Variants in FRMD5 observed in about 807,000 individuals in gnomAD.
FRMD5 encodes FERM domain containing 5, also known as FERM domain-containing protein 5.
Under a neutral mutation model 69.0 loss-of-function variants are expected in FRMD5, and 20 were observed. The observed-to-expected ratio is 0.29, with a 90% CI of 0.20 to 0.42. The LOEUF (loss-of-function observed/expected upper bound fraction) is 0.42. FRMD5 is among the 10% of genes least tolerant of loss of function. The pLI, the probability that FRMD5 is intolerant of heterozygous loss-of-function variation, is 1.00. For synonymous variants in FRMD5, 271 were observed against 260.1 expected (o/e 1.04, Z -0.40); for missense variants, 595 against 708.6 (o/e 0.84, Z 1.82).
chr15:43,886,930 C>A (rs539946142), intron 10 of FRMD5, among the ~76,000 whole-genome samples: 3 of 152,242 alleles, frequency 2.0e-5, no homozygotes, highest in African/African-American at 7.2e-5. Context: ...GAAAAATGAC[C>A]TCCATTTCCA....
At chr15:43,880,365 C>T (rs2088490029) in intron 13 of FRMD5, among the ~76,000 whole-genome samples, 1 of 152,102 alleles carries the variant, frequency 6.6e-6, no homozygotes. Context: ...CCCTCGCAGC[C>T]CCTCCCTCCC....
At chr15:44,196,139 A>G (rs1276110632), upstream of FRMD5, among the ~76,000 whole-genome samples, 2 of 152,154 alleles carry the variant, frequency 1.3e-5, no homozygotes, top group Non-Finnish European at 2.9e-5. Context: ...TTCTCCCTCA[A>G]AGATTTTTGA....
At chr15:43,945,079 G>A (rs946741344) in intron 1 of FRMD5, among the ~76,000 whole-genome samples, 10 of 151,628 alleles carry the variant, frequency 6.6e-5, no homozygotes, top group African/African-American at 1.5e-4. Flanking sequence ...GTGCCATAGC[G>A]CCCGGCAGGT....
At chr15:43,880,507 T>C (rs1294556343) in intron 13 of FRMD5, among the ~76,000 whole-genome samples, 1 of 152,214 alleles carries the variant, frequency 6.6e-6, no homozygotes, top group Admixed American at 6.5e-5. Flanking sequence ...TTCCACAGGC[T>C]TGGTAGCCCC....
intron 1 of FRMD5, among the ~76,000 whole-genome samples, chr15:44,072,671 T>C (rs536755523): frequency 6.6e-6 from 1 of 152,190 alleles, no homozygotes; most frequent in Non-Finnish European, 1.5e-5. Flanking sequence ...CTAATATTCA[T>C]ATGAAGACTG....
At chr15:44,120,051 G>A (rs1257393255) in intron 1 of FRMD5, among the ~76,000 whole-genome samples, 1 of 152,164 alleles carries the variant, frequency 6.6e-6, no homozygotes, top group Non-Finnish European at 1.5e-5. Context: ...TATGACTGGA[G>A]CATAGAACAC....
In FRMD5 at chr15:43,874,277, C is replaced by G. The variant is rs772259917; in HGVS notation, c.1321G>C (p.Glu441Gln). 1.2e-6 allele frequency: 2 copies of G among 1,614,230 alleles called. No individual in the cohort carries two copies. Among genetic ancestry groups the G allele is most frequent in the South Asian group, 2.2e-5 (2 of 91,086 alleles). The change falls in exon 14 of 14, where the codon GAG (glutamate) becomes CAG (glutamine). Residue 441 changes from glutamate to glutamine, a missense_variant. Glu to Gln is a conservative substitution (Grantham distance 29). Transcript: ENST00000417257. ...LPTPVAEHSL[E>Q]LMLLSRQING... ...ATCTGCCGGGAAAGCAACATCAGCTCCAGGCTGTGCTCAGCCACAGGGGTG... is the reference window on the plus strand; with the variant it reads ...ATCTGCCGGGAAAGCAACATCAGCTGCAGGCTGTGCTCAGCCACAGGGGTG...
intron 7 of FRMD5, among the ~76,000 whole-genome samples, chr15:43,898,326 G>A (rs1444611660): frequency 1.3e-5 from 2 of 152,162 alleles, no homozygotes; most frequent in Non-Finnish European, 2.9e-5. Flanking sequence ...TGGTTCCTTA[G>A]AGGGGACTTA....
rs565442359 is a variant in FRMD5 at position 43,949,530 on chromosome 15, G to A, written c.103-25221C>T. Among the ~76,000 whole-genome samples, 18 of 152,310 alleles carry A rather than the reference G, an allele frequency of 1.2e-4. No individual in the cohort carries two copies. In the East Asian group the frequency reaches 3.3e-3, roughly 28 times the overall value. ...CAAAAAAACACTGAATTAAACAAAT[G>A]GTCCTAGAAGCCAGTCTCTGAAAGT... On this transcript the variant is annotated intron_variant, in intron 1 of 13. Transcript: ENST00000417257.
At chr15:43,882,266 C>A (rs930159470) in intron 13 of FRMD5, among the ~76,000 whole-genome samples, 1 of 152,274 alleles carries the variant, frequency 6.6e-6, no homozygotes, top group Admixed American at 6.5e-5. Context: ...CTTCCCACCT[C>A]GGCCTGCTCC....
chr15:43,928,766 G>A (rs1443778193), intron 1 of FRMD5, among the ~76,000 whole-genome samples: 2 of 152,194 alleles, frequency 1.3e-5, no homozygotes, highest in East Asian at 3.8e-4. Flanking sequence ...TAAACTGTGC[G>A]TTGAATGTTG....
Position 43,871,222 on chromosome 15 carries a change from T to A in FRMD5, c.*2663A>T, listed in dbSNP as rs1444729179. 1.3e-5 allele frequency: 2 copies of A among 152,250 alleles called. No individual in the cohort carries two copies. The highest frequency in any genetic ancestry group is 4.8e-5 in the African/African-American group (2 of 41,468). The allele number at this position is 152,250 out of a possible 1,614,324, so 9.4% of individuals were successfully genotyped here. On this transcript the variant is annotated 3_prime_UTR_variant, in exon 14 of 14. Coordinates refer to ENST00000417257, the MANE Select transcript of FRMD5 (RefSeq NM_032892.5). ...TTGAAAAGCAAACTGAAGGAAACTT[T>A]TCTATCCATATTTTCTGGGATGAGC...
intron 1 of FRMD5, among the ~76,000 whole-genome samples, chr15:44,080,058 T>C (rs1055182938): frequency 6.6e-6 from 1 of 152,112 alleles, no homozygotes; most frequent in Admixed American, 6.6e-5. Context: ...TGAATGTTGT[T>C]AATGCCACTG....
chr15:43,979,771 CT>C (rs1210630821), intron 1 of FRMD5, among the ~76,000 whole-genome samples: 1 of 152,138 alleles, frequency 6.6e-6, no homozygotes, highest in Non-Finnish European at 1.5e-5. Context: ...TTGTGCTTTA[CT>C]TTTACCCACT....
chr15:43,894,085 A>G (rs949658225), intron 7 of FRMD5, among the ~76,000 whole-genome samples: 1 of 152,234 alleles, frequency 6.6e-6, no homozygotes, highest in Non-Finnish European at 1.5e-5. Context: ...ATGAAGCCAC[A>G]GGGCTGATTT....
At chr15:43,915,705 TATC>T (rs1433728850) in intron 4 of FRMD5, among the ~76,000 whole-genome samples, 19 of 152,344 alleles carry the variant, frequency 1.2e-4, no homozygotes, top group African/African-American at 4.3e-4. Flanking sequence ...CAACTAAATT[TATC>T]ATCTGGGAAG....
intron 1 of FRMD5, chr15:44,063,670 A>G (rs1336940258): frequency 2.4e-6 from 1 of 412,016 alleles, no homozygotes; most frequent in South Asian, 2.0e-5. Flanking sequence ...TTCCACCCAT[A>G]GCAAGTTCCA....
chr15:43,914,375 C>A (rs1247111562), intron 4 of FRMD5, among the ~76,000 whole-genome samples: 1 of 152,148 alleles, frequency 6.6e-6, no homozygotes, highest in Non-Finnish European at 1.5e-5. Flanking sequence ...ACGTCTTCCT[C>A]CCCAATATTA....
chr15:44,153,785 A>G (rs959683609), intron 1 of FRMD5, among the ~76,000 whole-genome samples: 5 of 152,204 alleles, frequency 3.3e-5, no homozygotes, highest in African/African-American at 1.2e-4. Context: ...CCTGGCCAAC[A>G]TGGTGAAACC....
Sources: allele counts gnomAD v4.1 joint callset (sites outside exome capture counted in the v4.1 genomes callset), GRCh38; gene constraint gnomAD v4.1.1; transcripts MANE v1.5; gene names NCBI Gene and HGNC (gene_info 2026-07-23, HGNC 2026-07-21).